Variants in KCNH8 observed in about 807,000 individuals in gnomAD.
KCNH8 encodes voltage-gated delayed rectifier potassium channel KCNH8.
In KCNH8, 70 loss-of-function variants were observed where a neutral mutation model predicts 103.6. The observed-to-expected ratio is 0.68, with a 90% CI of 0.56 to 0.82. The LOEUF is 0.82. KCNH8 is among the 40% of genes least tolerant of loss of function. The probability of loss-of-function intolerance (pLI) is 0.00; values close to 1 mark genes in which losing one functional copy is unlikely to be tolerated. For missense variants in KCNH8, 1,217 were observed against 1,329.9 expected, an observed-to-expected ratio of 0.92 and a Z score of 1.32; for synonymous variants, 498 against 489.4, an observed-to-expected ratio of 1.02 and a Z score of -0.23.
chr3:19,256,204 A>G (rs1161674339), intron 2 of KCNH8, among the ~76,000 whole-genome samples: 22 of 152,072 alleles, frequency 1.4e-4, no homozygotes, highest in Non-Finnish European at 1.5e-5. Flanking sequence ...TGCATATGGA[A>G]ATGTCATCCC....
intron 15 of KCNH8, among the ~76,000 whole-genome samples, chr3:19,520,786 T>C (rs529798850): frequency 6.6e-6 from 1 of 152,076 alleles, no homozygotes; most frequent in South Asian, 2.1e-4. Context: ...CTGTGGGCCT[T>C]TGTGTGAGGT....
At chr3:19,245,554 G>A (rs1311538479) in intron 1 of KCNH8, among the ~76,000 whole-genome samples, 2 of 152,080 alleles carry the variant, frequency 1.3e-5, no homozygotes, top group East Asian at 3.8e-4. Context: ...TTGATGGTAT[G>A]GACAGATACT....
chr3:19,198,797 T>C (rs920439300), intron 1 of KCNH8, among the ~76,000 whole-genome samples: 1 of 152,098 alleles, frequency 6.6e-6, no homozygotes, highest in African/African-American at 2.4e-5. Flanking sequence ...TTTCTTAGAA[T>C]GTTGAATTCC....
rs1023602501 is a variant in KCNH8, at chr3:19,308,778, C to T, written c.442+27449C>T. The stretch of plus-strand genomic sequence containing the variant: ...CCTCTCTCCCTCTCTCCCTCCCTCT[C>T]TCTCTCTCCCTCTCTCTCTCTCCCT... On this transcript the variant is annotated intron_variant, in intron 3 of 15. Coordinates refer to ENST00000328405, the MANE Select transcript of KCNH8 (RefSeq NM_144633.3). 1.0e-4 allele frequency among the ~76,000 whole-genome samples: 11 copies of T among 106,530 alleles called. 1 individual carries two copies. In the East Asian group the frequency reaches 1.2e-3, roughly 12 times the overall value. 69.9% of individuals were successfully genotyped at this position (106,530 alleles called of 152,430 possible). A position where few individuals can be genotyped will look rare whatever the true frequency, so the allele number is the denominator to read the frequency against.
chr3:19,174,787 A>G (rs1277855474), intron 1 of KCNH8, among the ~76,000 whole-genome samples: 1 of 152,226 alleles, frequency 6.6e-6, no homozygotes, highest in Non-Finnish European at 1.5e-5. Context: ...AAAAGAAGAA[A>G]TATATGCAAT....
Position 19,299,019 on chromosome 3 carries a change from A to C in KCNH8, c.442+17690A>C, listed in dbSNP as rs112909835. ...TTTGGAGTTGATGAAGGAAGAGACAAAGCCTATGTTTTGAGCAGAGTGGGA... is the reference window on the plus strand; with the variant it reads ...TTTGGAGTTGATGAAGGAAGAGACACAGCCTATGTTTTGAGCAGAGTGGGA... On this transcript the variant is annotated intron_variant, in intron 3 of 15. Coordinates refer to ENST00000328405, the MANE Select transcript of KCNH8 (RefSeq NM_144633.3). 3.2e-3 allele frequency among the ~76,000 whole-genome samples: 491 copies of C among 152,134 alleles called. 4 individuals carry two copies. The highest frequency in any genetic ancestry group is 0.011 in the African/African-American group (441 of 41,504).
At chr3:19,508,402 G>C (rs2068731690) in intron 11 of KCNH8, among the ~76,000 whole-genome samples, 1 of 152,112 alleles carries the variant, frequency 6.6e-6, no homozygotes, top group Non-Finnish European at 1.5e-5. Context: ...AGCCAATCTG[G>C]TGTTCATTTC....
intron 1 of KCNH8, among the ~76,000 whole-genome samples, chr3:19,226,208 A>G (rs2063929573): frequency 1.3e-5 from 2 of 152,334 alleles, no homozygotes; most frequent in South Asian, 4.1e-4. Flanking sequence ...AGGATTGGCA[A>G]AACAGCTTTA....
intron 1 of KCNH8, among the ~76,000 whole-genome samples, chr3:19,178,992 G>A (rs1276535283): frequency 2.0e-5 from 3 of 152,128 alleles, no homozygotes; most frequent in Non-Finnish European, 2.9e-5. Context: ...ACCTGAACCA[G>A]AGTGGGAAAT....
chr3:19,221,910 C>T (rs566133384), intron 1 of KCNH8, among the ~76,000 whole-genome samples: 12 of 151,576 alleles, frequency 7.9e-5, no homozygotes, highest in East Asian at 1.9e-4. Flanking sequence ...TGCAATGGCA[C>T]GATGTTGGCT....
At position 19,515,336 on chromosome 3, in the gene KCNH8, T is replaced by C. The variant is rs2068855622; in HGVS notation, c.2450T>C (p.Ile817Thr). 4 of 1,592,108 alleles carry C rather than the reference T, an allele frequency of 2.5e-6. No individual in the cohort carries two copies. Among genetic ancestry groups the C allele is most frequent in the Non-Finnish European group, 3.4e-6 (4 of 1,167,464 alleles). Residue 817 changes from isoleucine to threonine, a missense_variant, in exon 14 of 16, where the codon ATT becomes ACT. Physicochemically the swap from Ile to Thr is moderately conservative, Grantham distance 89. Coordinates refer to ENST00000328405, the MANE Select transcript of KCNH8 (RefSeq NM_144633.3). ...ATTTTAAGTAGGATTGTTGATGGAA[T>C]TGAAGATGGAAACAGCAGTGAAGAA... ...PDLSPRIVDG[I>T]EDGNSSEESQ...
intron 11 of KCNH8, among the ~76,000 whole-genome samples, chr3:19,497,521 T>C (rs1027492687): frequency 6.6e-6 from 1 of 152,202 alleles, no homozygotes; most frequent in African/African-American, 2.4e-5. Context: ...CAGGAGCAGG[T>C]TGTTTAATTT....
chr3:19,318,118 T>C (rs1177964163), intron 3 of KCNH8, among the ~76,000 whole-genome samples: 1 of 151,922 alleles, frequency 6.6e-6, no homozygotes, highest in Non-Finnish European at 1.5e-5. Context: ...GATAAGCAAC[T>C]TCAGCAAAAT....
chr3:19,444,336 CTG>C (rs1234379765), intron 8 of KCNH8, among the ~76,000 whole-genome samples: 3 of 151,968 alleles, frequency 2.0e-5, no homozygotes, highest in Non-Finnish European at 2.9e-5. Context: ...CCTCTTAAAA[CTG>C]TACATAAAAA....
chr3:19,389,322 G>A (rs2066401437), intron 5 of KCNH8, among the ~76,000 whole-genome samples: 1 of 152,072 alleles, frequency 6.6e-6, no homozygotes, highest in African/African-American at 2.4e-5. Context: ...CAAGCTCATA[G>A]GGCTGTTGGA....
At chr3:19,467,065 T>A (rs2067753991) in intron 11 of KCNH8, among the ~76,000 whole-genome samples, 1 of 152,176 alleles carries the variant, frequency 6.6e-6, no homozygotes, top group Non-Finnish European at 1.5e-5. Context: ...GACTTTTATA[T>A]CCACTGGAAA....
intron 7 of KCNH8, among the ~76,000 whole-genome samples, chr3:19,411,015 A>G (rs1408559215): frequency 1.3e-5 from 2 of 152,058 alleles, no homozygotes; most frequent in Non-Finnish European, 2.9e-5. Flanking sequence ...CACTCATTCT[A>G]TGAATCTAGC....
At chr3:19,190,693 A>G (rs2125209422) in intron 1 of KCNH8, among the ~76,000 whole-genome samples, 1 of 152,062 alleles carries the variant, frequency 6.6e-6, no homozygotes. Flanking sequence ...GAGCTAATTT[A>G]CTGAAGCAAC....
At chr3:19,247,357 A>G (rs1185787347) in intron 1 of KCNH8, among the ~76,000 whole-genome samples, 5 of 152,364 alleles carry the variant, frequency 3.3e-5, no homozygotes, top group Non-Finnish European at 7.3e-5. Flanking sequence ...TATAAAGTGC[A>G]AAGATCATTT....
Sources: allele counts gnomAD v4.1 joint callset (sites outside exome capture counted in the v4.1 genomes callset), GRCh38; gene constraint gnomAD v4.1.1; transcripts MANE v1.5; gene names NCBI Gene and HGNC (gene_info 2026-07-23, HGNC 2026-07-21).